The following MYOM2 variants were observed in gnomAD, a reference collection of about 807,000 sequenced individuals.
MYOM2 encodes myomesin 2.
MYOM2 carries 254 observed loss-of-function variants against 187.6 expected under a neutral mutation model. The ratio of observed to expected loss-of-function variants is 1.35; its 90% CI spans 1.22 to 1.50. The LOEUF (loss-of-function observed/expected upper bound fraction) is 1.50, where lower values mean the gene tolerates loss of function less well. Ranked by LOEUF, MYOM2 falls within the 40% of genes most tolerant of loss-of-function variation. The pLI is 0.00. For missense variants in MYOM2, 2,796 were observed against 1,924.0 expected (o/e 1.45, Z -8.48); for synonymous variants, 981 against 753.8 (o/e 1.30, Z -4.94).
chr8:2,143,215 A>C (rs2280903), intron 35 of MYOM2, 186 bp from the exon 36 acceptor site: 3 of 675,396 alleles, frequency 4.4e-6, no homozygotes, highest in Non-Finnish European at 8.0e-6. Flanking sequence ...CTCCTCATCT[A>C]CCTTCCCTTG....
Position 2,071,001 on chromosome 8 carries a change from T to C in MYOM2, c.794-1344T>C, listed in dbSNP as rs368780516. ...ATTTATTTTTGAGACAGGGTCTCAC[T>C]CGGTCGCCCAGGCTGGAGTGCAGTG... On this transcript the variant is annotated intron_variant, in intron 8 of 36. Coordinates refer to ENST00000262113, the MANE Select transcript of MYOM2 (RefSeq NM_003970.4). Among the ~76,000 whole-genome samples the C allele has an allele frequency of 3.9e-5, 6 of 152,210 alleles. No individual in the cohort carries two copies. The South Asian group carries it at 6.2e-4, about 16-fold the overall frequency.
At chr8:2,063,332 TTATTCCTATGAA>T (rs1183332772) in intron 6 of MYOM2, among the ~76,000 whole-genome samples, 4 of 152,194 alleles carry the variant, frequency 2.6e-5, no homozygotes, top group African/African-American at 9.7e-5. Flanking sequence ...TGAGTGACAT[TTATTCCTATGAA>T]TATTCCTTGG....
intron 32 of MYOM2, among the ~76,000 whole-genome samples, chr8:2,134,026 C>CCCTCTT: frequency 6.6e-6 from 1 of 152,094 alleles, no homozygotes; most frequent in Admixed American, 6.5e-5. Context: ...GCCACCTCCA[C>CCCTCTT]CGTCTTCCCC....
rs528596794 is a variant in MYOM2, at chr8:2,109,459, C to G, written c.3108C>G (p.Leu1036=). 5 of 1,613,338 alleles carry G rather than the reference C, an allele frequency of 3.1e-6. No homozygotes were observed. In the South Asian group the frequency reaches 3.3e-5, roughly 11 times the overall value. ...IFDKGRVRFW[L]QAEHLSPDAS... ...ATAAGGGGCGGGTTCGCTTCTGGCTCCAGGCTGAGCACTTATCACCAGATG... is the reference window on the plus strand; with the variant it reads ...ATAAGGGGCGGGTTCGCTTCTGGCTGCAGGCTGAGCACTTATCACCAGATG... The change falls in exon 25 of 37, where the codon CTC becomes CTG. Residue 1036 remains leucine, a synonymous_variant. Transcript: ENST00000262113.
chr8:2,068,101 G>A (rs563513981), intron 6 of MYOM2, among the ~76,000 whole-genome samples: 96 of 152,188 alleles, frequency 6.3e-4, no homozygotes, highest in South Asian at 4.4e-3. Flanking sequence ...GGAGAGCATC[G>A]TGGGCGCAGC....
At chr8:2,095,704 C>T (rs772079450) in intron 17 of MYOM2, among the ~76,000 whole-genome samples, 9 of 152,256 alleles carry the variant, frequency 5.9e-5, no homozygotes, top group East Asian at 1.9e-4. Flanking sequence ...CAGGCCCATC[C>T]GTTCTCGACC....
chr8:2,113,564 G>T (rs1186677400), intron 25 of MYOM2, among the ~76,000 whole-genome samples: 2 of 152,258 alleles, frequency 1.3e-5, no homozygotes, highest in South Asian at 2.1e-4. Flanking sequence ...AGAGGTGACA[G>T]TTGCAGCCAG....
chr8:2,129,814 C>A (rs1797789382), intron 32 of MYOM2, among the ~76,000 whole-genome samples: 1 of 152,066 alleles, frequency 6.6e-6, no homozygotes, highest in South Asian at 2.1e-4. Flanking sequence ...TGGCTACTTC[C>A]CAGGCAAAGC....
At chr8:2,118,985 T>G (rs1365742038) in intron 28 of MYOM2, 1 of 152,112 alleles carries the variant, frequency 6.6e-6, no homozygotes, top group Non-Finnish European at 1.5e-5. Flanking sequence ...GAGAGGGAAG[T>G]GTACTGGAGG....
intron 3 of MYOM2, among the ~76,000 whole-genome samples, chr8:2,056,737 T>C (rs1170138447): frequency 1.3e-5 from 2 of 152,126 alleles, no homozygotes; most frequent in African/African-American, 4.8e-5. Flanking sequence ...CTCACCATTT[T>C]CCTACATTTT....
At chr8:2,079,019 T>C (rs1819531311) in intron 12 of MYOM2, 86 bp downstream of exon 12, 5 of 1,323,072 alleles carry the variant, frequency 3.8e-6, no homozygotes, top group Non-Finnish European at 5.4e-6. Flanking sequence ...CCCTCCCAAC[T>C]CGATGTGAGC....
chr8:2,075,479 ATG>A (rs1390973994), intron 10 of MYOM2, among the ~76,000 whole-genome samples: 1 of 152,226 alleles, frequency 6.6e-6, no homozygotes, highest in Non-Finnish European at 1.5e-5. Context: ...CCCTGAAGAT[ATG>A]TGAGCAGGAA....
chr8:2,130,683 C>G (rs1200338815), intron 32 of MYOM2, among the ~76,000 whole-genome samples: 3 of 152,120 alleles, frequency 2.0e-5, no homozygotes, highest in Non-Finnish European at 4.4e-5. Flanking sequence ...ATTTTACTAG[C>G]CTGGTTTATT....
intron 6 of MYOM2, among the ~76,000 whole-genome samples, chr8:2,063,822 T>G (rs10095502): frequency 0.9 from 137,434 of 152,260 alleles, 62,297 homozygotes; most frequent in East Asian, 0.99. Context: ...TTCAAACAGA[T>G]ACTCTGGGAT....
chr8:2,109,279 G>A, intron 24 of MYOM2, 116 bp from the exon 25 acceptor site: 3 of 1,196,710 alleles, frequency 2.5e-6, no homozygotes, highest in Non-Finnish European at 3.4e-6. Context: ...AATACTCCAG[G>A]GTTTCACATT....
rs146812749 is a variant in MYOM2, at chr8:2,126,636, G to A, written c.3694+2419G>A. Among the ~76,000 whole-genome samples the A allele has an allele frequency of 3.2e-4, 49 of 151,904 alleles. No individual in the cohort carries two copies. In the East Asian group the frequency reaches 8.4e-3, roughly 26 times the overall value. ...GGCTGGGGGAGCATTGGGGGAGGCT[G>A]ATACAGGCTGGGGAAGCACCGGGAG... On this transcript the variant is annotated intron_variant, in intron 31 of 36. Transcript: ENST00000262113.
chr8:2,115,869 T>C, intron 25 of MYOM2, 91 bp from the exon 26 acceptor site: 1 of 1,400,240 alleles, frequency 7.1e-7, no homozygotes, highest in Admixed American at 2.1e-5. Context: ...TCCCTTGAGA[T>C]CTCATGGCTG....
chr8:2,111,046 C>G (rs1463613192), intron 25 of MYOM2, among the ~76,000 whole-genome samples: 2 of 152,208 alleles, frequency 1.3e-5, no homozygotes, highest in African/African-American at 4.8e-5. Flanking sequence ...GAGAAATCTT[C>G]TTTGAGCAGA....
intron 21 of MYOM2, among the ~76,000 whole-genome samples, chr8:2,104,230 G>T (rs1213604990): frequency 6.6e-6 from 1 of 152,164 alleles, no homozygotes; most frequent in African/African-American, 2.4e-5. Flanking sequence ...ACTTCTGAAG[G>T]CAGGACACAC....
Sources: gnomAD v4.1 joint callset for allele counts (sites outside exome capture counted in the v4.1 genomes callset) on GRCh38, gnomAD v4.1.1 for gene constraint, MANE v1.5 for transcripts, NCBI Gene and HGNC (gene_info 2026-07-23, HGNC 2026-07-21) for gene names.